Variants in ST3GAL5 observed in about 807,000 individuals in gnomAD.
The protein encoded by ST3GAL5 is ST3 beta-galactoside alpha-2,3-sialyltransferase 5, also known as lactosylceramide alpha-2,3-sialyltransferase.
ST3GAL5 carries 25 observed loss-of-function variants against 46.1 expected under a neutral mutation model. The observed-to-expected ratio is 0.54, with a 90% confidence interval of 0.40 to 0.76. The LOEUF is 0.76. Among genes scored for constraint, ST3GAL5 ranks in the 30% least tolerant of loss-of-function variants. ST3GAL5 has a pLI of 0.00. For synonymous variants in ST3GAL5, 182 were observed against 192.7 expected, an observed-to-expected ratio of 0.94 and a Z score of 0.46; for missense variants, 431 against 521.2, an observed-to-expected ratio of 0.83 and a Z score of 1.69.
intron 3 of ST3GAL5, chr2:85,853,052 T>G: frequency 7.7e-7 from 1 of 1,304,222 alleles, no homozygotes; most frequent in Non-Finnish European, 1.0e-6. Flanking sequence ...CATCTGGCCA[T>G]AATTAACTGC....
intron 2 of ST3GAL5, among the ~76,000 whole-genome samples, chr2:85,862,229 G>A (rs1684807171): frequency 6.6e-6 from 1 of 151,842 alleles, no homozygotes; most frequent in Admixed American, 6.6e-5. Flanking sequence ...TAAGTGAACA[G>A]GATGCTATCA....
chr2:85,861,026 T>C lies in ST3GAL5; in HGVS notation c.318+155A>G. Reference sequence around the variant, plus strand: ...TAGTGGTGGGTTTTTAGAAGAAGGTTGTCTTTGGTTTTGGAGTGCTGAGAT... The same window carrying C: ...TAGTGGTGGGTTTTTAGAAGAAGGTCGTCTTTGGTTTTGGAGTGCTGAGAT... On this transcript the variant is annotated intron_variant, in intron 3 of 6. Transcript: ENST00000638572. 7.7e-6 allele frequency: 5 copies of C among 649,762 alleles called. No homozygotes were observed. The South Asian group carries it at 8.4e-5, about 11-fold the overall frequency. The allele number at this position is 649,762 out of a possible 1,614,324, so 40.2% of individuals were successfully genotyped here. A position where few individuals can be genotyped will look rare whatever the true frequency, so the allele number is the denominator to read the frequency against.
intron 2 of ST3GAL5, among the ~76,000 whole-genome samples, chr2:85,862,988 G>A (rs1684884706): frequency 6.6e-6 from 1 of 152,176 alleles, no homozygotes; most frequent in South Asian, 2.1e-4. Context: ...CAGTATTCAA[G>A]GGCCTTCAGG....
intron 4 of ST3GAL5, among the ~76,000 whole-genome samples, chr2:85,847,189 T>G (rs1292434610): frequency 1.3e-5 from 2 of 152,164 alleles, no homozygotes; most frequent in African/African-American, 4.8e-5. Flanking sequence ...GTGCCTTCCA[T>G]GTCCCAGCCA....
intron 1 of ST3GAL5, chr2:85,867,783 A>C (rs1000245009): frequency 1.5e-6 from 1 of 688,068 alleles, no homozygotes; most frequent in African/African-American, 1.8e-5. Context: ...GACTTATGGT[A>C]TAACGGCAAG....
rs146956895 is a variant in ST3GAL5, at chr2:85,864,196, A to G, written c.83-711T>C. On this transcript the variant is annotated intron_variant, in intron 1 of 6. Transcript: ENST00000638572. ...CAGATTCCAGCTGTGATATGGTACTATAGTTTTGCAGGATGCTATCATGGG... is the reference window on the plus strand; with the variant it reads ...CAGATTCCAGCTGTGATATGGTACTGTAGTTTTGCAGGATGCTATCATGGG... Among the ~76,000 whole-genome samples, 91 of 152,330 alleles carry G rather than the reference A, an allele frequency of 6.0e-4. 1 individual carries two copies. The highest frequency in any genetic ancestry group is 2.0e-3 in the African/African-American group (82 of 41,574).
rs1681712641 is a variant in ST3GAL5, at chr2:85,839,126, C to T, written c.*1018G>A. 1 of 152,124 alleles carries T rather than the reference C, an allele frequency of 6.6e-6. No homozygotes were observed. The highest frequency in any genetic ancestry group is 2.4e-5 in the African/African-American group (1 of 41,414). 9.4% of individuals were successfully genotyped at this position (152,124 alleles called of 1,614,324 possible). ...TGGGTAGATTCATAGACATAAGCAC[C>T]CAAATTAACCAGACTACGAGAGTTC... On this transcript the variant is annotated 3_prime_UTR_variant, in exon 7 of 7. Transcript: ENST00000638572.
chr2:85,881,185 T>C lies in ST3GAL5; in HGVS notation c.82+7639A>G, dbSNP rs530032114. Among the ~76,000 whole-genome samples, 4 of 152,342 alleles carry C rather than the reference T, an allele frequency of 2.6e-5. 1 individual carries two copies. The East Asian group carries it at 7.7e-4, about 29-fold the overall frequency. On this transcript the variant is annotated intron_variant, in intron 1 of 6. Coordinates refer to ENST00000638572, the MANE Select transcript of ST3GAL5 (RefSeq NM_003896.4). ...CATGTAAGAAGTGCCTTTTGCCCTC[T>C]ACCATGATTGTGAGACCTTCCCCAG... is the stretch of plus-strand genomic sequence containing the variant.
intron 1 of ST3GAL5, among the ~76,000 whole-genome samples, chr2:85,871,038 CTTT>C (rs35268429): frequency 1.0e-4 from 14 of 137,730 alleles, no homozygotes; most frequent in Admixed American, 7.4e-5. Context: ...AACCATTTAT[CTTT>C]TTTTTTTTTT....
chr2:85,856,428 G>C (rs1573627134), intron 3 of ST3GAL5: 1 of 152,140 alleles, frequency 6.6e-6, no homozygotes, highest in African/African-American at 2.4e-5. Flanking sequence ...TTGTGGGGAG[G>C]GGGAAATAGG....
At position 85,880,853 on chromosome 2, in the gene ST3GAL5, A is replaced by G. The variant is rs200997914; in HGVS notation, c.82+7971T>C. ...GAAAAAAAAAAACTCTCATAATCTC[A>G]TTTTAAAAAATAGACAAGTAGGTCT... On this transcript the variant is annotated intron_variant, in intron 1 of 6. Transcript: ENST00000638572. 2.9e-3 allele frequency: 1,483 copies of G among 510,740 alleles called. 4 individuals carry two copies. Among genetic ancestry groups the G allele is most frequent in the Non-Finnish European group, 5.0e-3 (1,301 of 257,774 alleles). 31.6% of individuals were successfully genotyped at this position (510,740 alleles called of 1,614,324 possible).
intron 3 of ST3GAL5, chr2:85,851,109 G>A (rs1315922837): frequency 3.5e-6 from 1 of 285,038 alleles, no homozygotes; most frequent in Admixed American, 5.6e-5. Flanking sequence ...TACAGACGGG[G>A]TTTCACCATG....
chr2:85,875,321 A>C (rs1019980106), intron 1 of ST3GAL5: 3 of 150,714 alleles, frequency 2.0e-5, no homozygotes, highest in Admixed American at 6.6e-5. Context: ...CAGCCTCCCA[A>C]AGTACTGGAA....
intron 1 of ST3GAL5, among the ~76,000 whole-genome samples, chr2:85,885,701 G>T (rs191837683): frequency 2.0e-5 from 3 of 151,940 alleles, no homozygotes; most frequent in South Asian, 2.1e-4. Context: ...GGTGGCAGGC[G>T]CCTGTAGTCC....
At chr2:85,863,540 G>A (rs1267315912) in intron 1 of ST3GAL5, 55 bp from the exon 2 acceptor site, 1 of 1,598,178 alleles carries the variant, frequency 6.3e-7, no homozygotes, top group Non-Finnish European at 8.6e-7. Flanking sequence ...GAGTTAGGAG[G>A]ATGGATTATG....
chr2:85,878,094 C>T (rs4832214), intron 1 of ST3GAL5, among the ~76,000 whole-genome samples: 111,129 of 152,056 alleles, frequency 0.73, 40,947 homozygotes, highest in East Asian at 0.99. Flanking sequence ...CAACGCTGCA[C>T]GGCTCAGCTT....
At chr2:85,857,796 G>A (rs1393309497) in intron 3 of ST3GAL5, among the ~76,000 whole-genome samples, 4 of 152,110 alleles carry the variant, frequency 2.6e-5, no homozygotes, top group Non-Finnish European at 4.4e-5. Context: ...TGTAGAACAC[G>A]ACTACTCCGG....
In ST3GAL5 at chr2:85,848,215, A is replaced by C. The variant is rs1226022046; in HGVS notation, c.319-11T>G. The C allele has an allele frequency of 1.2e-6, 2 of 1,613,924 alleles. No individual in the cohort carries two copies. Among genetic ancestry groups the C allele is most frequent in the Non-Finnish European group, 1.7e-6 (2 of 1,179,952 alleles). ...ATATTTCTGAGCTCTCTGGAATGAA[A>C]TCACACCAATCTGGGTTTTAAAAAC... is the stretch of plus-strand genomic sequence containing the variant. On this transcript the variant is annotated splice_polypyrimidine_tract_variant and intron_variant, in intron 3 of 6. Transcript: ENST00000638572.
At chr2:85,873,251 C>T (rs1466383612) in intron 1 of ST3GAL5, among the ~76,000 whole-genome samples, 3 of 152,134 alleles carry the variant, frequency 2.0e-5, no homozygotes, top group Non-Finnish European at 4.4e-5. Context: ...TTCAAGTTCC[C>T]GAGCTCTGGG....
Sources: gnomAD v4.1 joint callset for allele counts (sites outside exome capture counted in the v4.1 genomes callset) on GRCh38, gnomAD v4.1.1 for gene constraint, MANE v1.5 for transcripts, NCBI Gene and HGNC (gene_info 2026-07-23, HGNC 2026-07-21) for gene names.